CHST8: variants seen among roughly 807,000 people sequenced by gnomAD.
CHST8 encodes GALNAC-4-ST1.
In CHST8, 10 loss-of-function variants were observed where a neutral mutation model predicts 15.0. That is an observed-to-expected ratio of 0.67 (90% confidence interval 0.41 to 1.13). The LOEUF is 1.13. CHST8 is among the 50% of genes most tolerant of loss of function. The pLI, the probability that CHST8 is intolerant of heterozygous loss-of-function variation, is 0.00. For missense variants in CHST8, 634 were observed against 608.2 expected, an observed-to-expected ratio of 1.04 and a Z score of -0.45; for synonymous variants, 259 against 256.6, an observed-to-expected ratio of 1.01 and a Z score of -0.09.
intron 3 of CHST8, among the ~76,000 whole-genome samples, chr19:33,748,161 G>A (rs375687517): frequency 1.3e-5 from 2 of 152,190 alleles, no homozygotes; most frequent in South Asian, 2.1e-4. Context: ...GGCATCTAGG[G>A]CCTTAATCAA....
At chr19:33,681,922 A>G (rs1449969265) in intron 2 of CHST8, among the ~76,000 whole-genome samples, 2 of 150,762 alleles carry the variant, frequency 1.3e-5, no homozygotes, top group Non-Finnish European at 2.9e-5. Context: ...GCTGGAGTGC[A>G]ATGTCATGAC....
chr19:33,767,027 G>A (rs2145389959), intron 3 of CHST8, among the ~76,000 whole-genome samples: 1 of 152,112 alleles, frequency 6.6e-6, no homozygotes, highest in Non-Finnish European at 1.5e-5. Flanking sequence ...CTGTCCCTCT[G>A]CAGATTTGAC....
At chr19:33,720,270 A>G (rs1476175843) in intron 3 of CHST8, among the ~76,000 whole-genome samples, 1 of 151,100 alleles carries the variant, frequency 6.6e-6, no homozygotes, top group Non-Finnish European at 1.5e-5. Flanking sequence ...CACCACACAT[A>G]CGCAGGCCAC....
At chr19:33,678,174 G>T (rs1182724952) in intron 2 of CHST8, among the ~76,000 whole-genome samples, 1 of 152,208 alleles carries the variant, frequency 6.6e-6, no homozygotes, top group East Asian at 1.9e-4. Flanking sequence ...TCACTGGGGT[G>T]GAGGAGACTT....
Position 33,650,507 on chromosome 19 carries a change from CTTTT to C in CHST8, c.-163-17258_-163-17255del, listed in dbSNP as rs74174678. On this transcript the variant is annotated intron_variant, in intron 1 of 4. Coordinates refer to ENST00000650847, the MANE Select transcript of CHST8 (RefSeq NM_001127895.2). Reference sequence around the variant, plus strand: ...TTTTTTTTCTTTTCTTTTTCTTTTTCTTTTTCTTTTCTTTTTTTTTTTTTTTTTT... The same window carrying C: ...TTTTTTTTCTTTTCTTTTTCTTTTTCTCTTTTCTTTTTTTTTTTTTTTTTT... Among the ~76,000 whole-genome samples the C allele has an allele frequency of 1.3e-4, 7 of 54,576 alleles. No individual in the cohort carries two copies. The East Asian group carries it at 3.7e-3, about 29-fold the overall frequency. The allele number at this position is 54,576 out of a possible 152,430, so 35.8% of individuals were successfully genotyped here.
In CHST8 at chr19:33,689,455, C is replaced by T. The variant is rs1973055430; in HGVS notation, c.130+64C>T. The T allele has an allele frequency of 1.2e-5, 18 of 1,466,206 alleles. No individual in the cohort carries two copies. The South Asian group carries it at 1.5e-4, about 12-fold the overall frequency. The allele number at this position is 1,466,206 out of a possible 1,614,324, so 90.8% of individuals were successfully genotyped here. ...GCTTTCCAGCCTGAAGCTCAGGCCT[C>T]CACAGCTGCCCTGGTGTGCTGGGCT... On this transcript the variant is annotated intron_variant, in intron 3 of 4. Coordinates refer to ENST00000650847, the MANE Select transcript of CHST8 (RefSeq NM_001127895.2).
intron 3 of CHST8, among the ~76,000 whole-genome samples, chr19:33,763,303 A>T (rs1235045326): frequency 3.3e-5 from 5 of 152,178 alleles, no homozygotes; most frequent in African/African-American, 4.8e-5. Context: ...ACTGAGTTTG[A>T]TCATCTCAGA....
chr19:33,769,282 G>A (rs796327508), intron 3 of CHST8, among the ~76,000 whole-genome samples: 6 of 152,292 alleles, frequency 3.9e-5, no homozygotes, highest in African/African-American at 1.4e-4. Context: ...TGGCTTCTCA[G>A]CCCCACTCTT....
At chr19:33,691,718 C>A (rs1973101774) in intron 3 of CHST8, among the ~76,000 whole-genome samples, 1 of 152,238 alleles carries the variant, frequency 6.6e-6, no homozygotes, top group Non-Finnish European at 1.5e-5. Flanking sequence ...AGTTGCATGG[C>A]TGGGTGGCCC....
intron 1 of CHST8, among the ~76,000 whole-genome samples, chr19:33,643,121 C>T (rs1972304982): frequency 1.3e-5 from 2 of 152,222 alleles, no homozygotes; most frequent in Non-Finnish European, 1.5e-5. Context: ...ATAGTTGTCT[C>T]AAAGGGTATG....
At chr19:33,652,890 A>G (rs1206669729) in intron 1 of CHST8, among the ~76,000 whole-genome samples, 4 of 152,126 alleles carry the variant, frequency 2.6e-5, no homozygotes, top group African/African-American at 9.7e-5. Context: ...GTTTAACCCA[A>G]TATGATTTAA....
chr19:33,629,765 G>A (rs1251355354), intron 1 of CHST8, among the ~76,000 whole-genome samples: 1 of 152,246 alleles, frequency 6.6e-6, no homozygotes, highest in Non-Finnish European at 1.5e-5. Flanking sequence ...GGACAGGAGG[G>A]AAGAGAGCTA....
At chr19:33,653,436 G>A (rs1425729507) in intron 1 of CHST8, among the ~76,000 whole-genome samples, 1 of 152,108 alleles carries the variant, frequency 6.6e-6, no homozygotes, top group Non-Finnish European at 1.5e-5. Flanking sequence ...TGAGTTAACT[G>A]TAGGTGTATA....
intron 1 of CHST8, among the ~76,000 whole-genome samples, chr19:33,667,542 A>G (rs947126184): frequency 3.9e-5 from 6 of 152,220 alleles, no homozygotes; most frequent in African/African-American, 1.4e-4. Context: ...ATTAAGGAAC[A>G]AACGGTGCCA....
Position 33,631,112 on chromosome 19 carries a change from G to A in CHST8, c.-164+8816G>A, listed in dbSNP as rs575497313. ...TGAGCCAGTGCAAAAAGCCGGCGCT[G>A]TCTATGCTGGTTGGGCTCAGCATGT... On this transcript the variant is annotated intron_variant, in intron 1 of 4. Transcript: ENST00000650847. Among the ~76,000 whole-genome samples, 15 of 152,354 alleles carry A rather than the reference G, an allele frequency of 9.8e-5. No homozygotes were observed. The South Asian group carries it at 3.1e-3, about 32-fold the overall frequency.
At chr19:33,645,186 G>T (rs887093794) in intron 1 of CHST8, among the ~76,000 whole-genome samples, 2 of 152,146 alleles carry the variant, frequency 1.3e-5, no homozygotes, top group Admixed American at 6.6e-5. Context: ...TGAAAGGAAC[G>T]GCGAGGAAGT....
chr19:33,692,225 A>T (rs1215042983), intron 3 of CHST8, among the ~76,000 whole-genome samples: 1 of 152,234 alleles, frequency 6.6e-6, no homozygotes, highest in Non-Finnish European at 1.5e-5. Flanking sequence ...CGATGCGAAG[A>T]TGAAGTTTTG....
At chr19:33,668,376 A>G (rs1470999113) in intron 2 of CHST8, among the ~76,000 whole-genome samples, 2 of 152,118 alleles carry the variant, frequency 1.3e-5, no homozygotes, top group Non-Finnish European at 2.9e-5. Flanking sequence ...GGGGGAACAT[A>G]CAACCTCCAC....
intron 3 of CHST8, among the ~76,000 whole-genome samples, chr19:33,695,200 C>A (rs1973187504): frequency 6.6e-6 from 1 of 152,132 alleles, no homozygotes; most frequent in South Asian, 2.1e-4. Flanking sequence ...CCCGCCTCAG[C>A]CTCCCAAAGT....
Sources: allele counts gnomAD v4.1 joint callset (sites outside exome capture counted in the v4.1 genomes callset), GRCh38; gene constraint gnomAD v4.1.1; transcripts MANE v1.5; gene names NCBI Gene and HGNC (gene_info 2026-07-23, HGNC 2026-07-21).